Variants in SPAG16 observed in about 807,000 individuals in gnomAD.
The protein encoded by SPAG16 is sperm associated antigen 16, also known as sperm-associated antigen 16 protein.
Under a neutral mutation model 80.4 loss-of-function variants are expected in SPAG16, and 86 were observed. That is an observed-to-expected ratio of 1.07 (90% CI 0.90 to 1.28). SPAG16 has a LOEUF of 1.28. Among genes scored for constraint, SPAG16 ranks in the 50% most tolerant of loss-of-function variants. The pLI, the probability that SPAG16 is intolerant of heterozygous loss-of-function variation, is 0.00. For synonymous variants in SPAG16, 294 were observed against 265.9 expected, an observed-to-expected ratio of 1.11 and a Z score of -1.03; for missense variants, 870 against 765.3, an observed-to-expected ratio of 1.14 and a Z score of -1.61.
At chr2:213,299,712 T>A (rs539466735) in intron 3 of SPAG16, among the ~76,000 whole-genome samples, 21 of 152,304 alleles carry the variant, frequency 1.4e-4, no homozygotes, top group African/African-American at 4.8e-4. Context: ...TGATCTGAAT[T>A]CTGAATTAAA....
intron 12 of SPAG16, among the ~76,000 whole-genome samples, chr2:213,964,604 G>C (rs771016840): frequency 6.6e-6 from 1 of 151,318 alleles, no homozygotes; most frequent in Non-Finnish European, 1.5e-5. Flanking sequence ...TTAATCTTTT[G>C]GGATCCCCTG....
chr2:214,370,613 A>C lies in SPAG16; in HGVS notation c.1721-39527A>C, dbSNP rs142010816. On this transcript the variant is annotated intron_variant, in intron 15 of 15. Transcript: ENST00000331683. Reference sequence around the variant, plus strand: ...AACATTTAAGGTCTACTCTCTTGGCAAATTTCAAGTATACAATACAGTATT... The same window carrying C: ...AACATTTAAGGTCTACTCTCTTGGCCAATTTCAAGTATACAATACAGTATT... Among the ~76,000 whole-genome samples, 515 of 152,256 alleles carry C rather than the reference A, an allele frequency of 3.4e-3. 2 individuals carry two copies. Among genetic ancestry groups the C allele is most frequent in the African/African-American group, 0.012 (502 of 41,550 alleles).
At chr2:214,291,713 ATTG>A (rs960863180) in intron 15 of SPAG16, among the ~76,000 whole-genome samples, 3 of 152,006 alleles carry the variant, frequency 2.0e-5, no homozygotes, top group African/African-American at 7.3e-5. Flanking sequence ...TTCCTACCAC[ATTG>A]TTGTTTCGGG....
intron 9 of SPAG16, among the ~76,000 whole-genome samples, chr2:213,433,374 C>G (rs1240478387): frequency 6.6e-6 from 1 of 152,152 alleles, no homozygotes; most frequent in African/African-American, 2.4e-5. Context: ...TCCAAAAACT[C>G]TTAGAATTGA....
At chr2:213,856,288 G>A (rs2075164330) in intron 10 of SPAG16, among the ~76,000 whole-genome samples, 1 of 152,180 alleles carries the variant, frequency 6.6e-6, no homozygotes, top group Non-Finnish European at 1.5e-5. Flanking sequence ...ATAGCCTTGG[G>A]CAGCTCCACC....
intron 10 of SPAG16, among the ~76,000 whole-genome samples, chr2:213,861,454 A>T (rs1055281566): frequency 2.6e-5 from 4 of 152,226 alleles, no homozygotes; most frequent in African/African-American, 7.2e-5. Context: ...GAATAGACTA[A>T]GGGAAAAATG....
intron 12 of SPAG16, among the ~76,000 whole-genome samples, chr2:214,001,506 A>G (rs1322999453): frequency 1.3e-5 from 2 of 152,216 alleles, no homozygotes; most frequent in African/African-American, 2.4e-5. Context: ...GTTCCACATC[A>G]TAAGGCACAG....
intron 9 of SPAG16, among the ~76,000 whole-genome samples, chr2:213,474,196 A>T (rs1252047169): frequency 6.6e-6 from 1 of 152,166 alleles, no homozygotes; most frequent in Non-Finnish European, 1.5e-5. Flanking sequence ...GCAGGGTCCC[A>T]TTCTTTTCCA....
chr2:213,894,080 A>G (rs1239852301), intron 11 of SPAG16, among the ~76,000 whole-genome samples: 1 of 152,174 alleles, frequency 6.6e-6, no homozygotes, highest in South Asian at 2.1e-4. Context: ...ACTAAAAAAG[A>G]GCAGAAGTAG....
chr2:213,696,435 A>T (rs570128815), intron 10 of SPAG16, among the ~76,000 whole-genome samples: 10 of 152,258 alleles, frequency 6.6e-5, no homozygotes, highest in African/African-American at 1.7e-4. Context: ...GGACTAAGTG[A>T]GATAATCTAG....
intron 10 of SPAG16, among the ~76,000 whole-genome samples, chr2:213,633,799 G>A (rs1358099865): frequency 6.6e-6 from 1 of 152,030 alleles, no homozygotes; most frequent in Non-Finnish European, 1.5e-5. Context: ...TCTTCTTATA[G>A]TTTTTGTCTT....
chr2:214,229,306 T>C lies in SPAG16; in HGVS notation c.1720+80040T>C, dbSNP rs370270730. On this transcript the variant is annotated intron_variant, in intron 15 of 15. Coordinates refer to ENST00000331683, the MANE Select transcript of SPAG16 (RefSeq NM_024532.5). Reference sequence around the variant, plus strand: ...CCTGGAACATGAGGTGTAACTAATCTTTCAGTAGAGTAGGGGAGAAAATAT... The same window carrying C: ...CCTGGAACATGAGGTGTAACTAATCCTTCAGTAGAGTAGGGGAGAAAATAT... 2.6e-5 allele frequency among the ~76,000 whole-genome samples: 4 copies of C among 151,818 alleles called. No homozygotes were observed. In the East Asian group the frequency reaches 5.8e-4, roughly 22 times the overall value.
chr2:213,893,958 C>T (rs2076891483), intron 11 of SPAG16, among the ~76,000 whole-genome samples: 1 of 151,946 alleles, frequency 6.6e-6, no homozygotes, highest in Non-Finnish European at 1.5e-5. Context: ...CATAGAATAG[C>T]TGAATGAGTA....
At chr2:213,987,721 A>G (rs542739821) in intron 12 of SPAG16, among the ~76,000 whole-genome samples, 1 of 151,452 alleles carries the variant, frequency 6.6e-6, no homozygotes, top group Non-Finnish European at 1.5e-5. Flanking sequence ...TTCAAAAGGT[A>G]TGCATGCCTT....
At chr2:214,159,189 C>A (rs1353190088) in intron 15 of SPAG16, among the ~76,000 whole-genome samples, 1 of 151,938 alleles carries the variant, frequency 6.6e-6, no homozygotes, top group Non-Finnish European at 1.5e-5. Context: ...ATTCTTCATA[C>A]ATACTTTAAT....
At chr2:213,290,852 T>C (rs1386885721) in intron 1 of SPAG16, among the ~76,000 whole-genome samples, 1 of 152,200 alleles carries the variant, frequency 6.6e-6, no homozygotes, top group African/African-American at 2.4e-5. Flanking sequence ...AACAATGCTT[T>C]CCAAAGTTTT....
intron 9 of SPAG16, among the ~76,000 whole-genome samples, chr2:213,413,478 A>G (rs543121870): frequency 3.5e-3 from 538 of 152,304 alleles, no homozygotes; most frequent in Non-Finnish European, 6.9e-3. Context: ...TAGACATTGT[A>G]TAGGTTATAC....
chr2:213,643,346 TTTTATATATATATATATATATATATATA>T lies in SPAG16; in HGVS notation c.1070+153258_1070+153285del, dbSNP rs1465313799. 2.1e-3 allele frequency among the ~76,000 whole-genome samples: 152 copies of T among 72,674 alleles called. 4 individuals are homozygous for T. Among genetic ancestry groups the T allele is most frequent in the African/African-American group, 6.3e-3 (131 of 20,896 alleles). 47.7% of individuals were successfully genotyped at this position (72,674 alleles called of 152,430 possible). Reference sequence around the variant, plus strand: ...TGCTGCCAGATGTATTGGATCTTAATTTTATATATATATATATATATATATATATATATATATATATATATATATATAT... The same window carrying T: ...TGCTGCCAGATGTATTGGATCTTAATTATATATATATATATATATATATAT... On this transcript the variant is annotated intron_variant, in intron 10 of 15. Coordinates refer to ENST00000331683, the MANE Select transcript of SPAG16 (RefSeq NM_024532.5).
intron 15 of SPAG16, among the ~76,000 whole-genome samples, chr2:214,161,160 C>T (rs917343239): frequency 6.6e-6 from 1 of 152,194 alleles, no homozygotes; most frequent in East Asian, 1.9e-4. Context: ...GCATAGTATT[C>T]CATGGTGGAG....
Sources: gnomAD v4.1 joint callset for allele counts (sites outside exome capture counted in the v4.1 genomes callset) on GRCh38, gnomAD v4.1.1 for gene constraint, MANE v1.5 for transcripts, NCBI Gene and HGNC (gene_info 2026-07-23, HGNC 2026-07-21) for gene names.